The following TSPAN12 variants were observed in gnomAD, a reference collection of about 807,000 sequenced individuals.
The protein encoded by TSPAN12 is tetraspanin 12, also known as tetraspanin-12.
TSPAN12 carries 19 observed loss-of-function variants against 39.2 expected under a neutral mutation model. The observed-to-expected ratio is 0.49, with a 90% CI of 0.34 to 0.71. TSPAN12 has a LOEUF of 0.71. Among genes scored for constraint, TSPAN12 ranks in the 30% least tolerant of loss-of-function variants. The pLI is 0.01. For synonymous variants in TSPAN12, 119 were observed against 124.8 expected (o/e 0.95, Z 0.31); for missense variants, 314 against 359.9 (o/e 0.87, Z 1.03).
intron 4 of TSPAN12, among the ~76,000 whole-genome samples, chr7:120,824,537 C>A (rs916175237): frequency 6.6e-6 from 1 of 152,008 alleles, no homozygotes; most frequent in Non-Finnish European, 1.5e-5. Flanking sequence ...AATCATAGAA[C>A]CTAGAATTCT....
At chr7:120,819,997 TG>T (rs2116402196) in intron 4 of TSPAN12, among the ~76,000 whole-genome samples, 1 of 152,280 alleles carries the variant, frequency 6.6e-6, no homozygotes, top group East Asian at 1.9e-4. Context: ...TCCCTATCAA[TG>T]TCACTACACA....
rs1445495258 is a variant in TSPAN12 at position 120,838,764 on chromosome 7, T to G, written c.285+13A>C. On this transcript the variant is annotated intron_variant, in intron 4 of 7. Coordinates refer to ENST00000222747, the MANE Select transcript of TSPAN12 (RefSeq NM_012338.4). ...CTTTTTAACTATAATAAAGAGAAAA[T>G]ATAACATCATACCCATGCAAGAAGC... 1.2e-6 allele frequency: 2 copies of G among 1,612,324 alleles called. No homozygotes were observed. Among genetic ancestry groups the G allele is most frequent in the South Asian group, 2.2e-5 (2 of 90,914 alleles).
intron 5 of TSPAN12, among the ~76,000 whole-genome samples, chr7:120,815,348 G>A (rs974144476): frequency 6.6e-5 from 10 of 152,084 alleles, no homozygotes; most frequent in Non-Finnish European, 1.5e-5. Context: ...ATCTTGAGTC[G>A]TAATCCCCCT....
At chr7:120,821,607 G>T (rs3779388) in intron 4 of TSPAN12, among the ~76,000 whole-genome samples, 7,981 of 152,200 alleles carry the variant, frequency 0.052, 525 homozygotes, top group East Asian at 0.31. Flanking sequence ...CTGTGCAAAA[G>T]ATTCCATAAG....
intron 2 of TSPAN12, among the ~76,000 whole-genome samples, chr7:120,853,640 C>T (rs1379251608): frequency 6.0e-5 from 9 of 150,214 alleles, no homozygotes; most frequent in Non-Finnish European, 1.2e-4. Flanking sequence ...TTTGAGAGGC[C>T]GAGGTGGGTG....
chr7:120,842,662 T>C (rs1794600648), intron 2 of TSPAN12, among the ~76,000 whole-genome samples: 1 of 152,110 alleles, frequency 6.6e-6, no homozygotes, highest in South Asian at 2.1e-4. Flanking sequence ...AGAATTCCTT[T>C]TTAGAAAGAT....
chr7:120,791,425 T>C (rs116630385), intron 7 of TSPAN12, among the ~76,000 whole-genome samples: 233 of 152,266 alleles, frequency 1.5e-3, no homozygotes, highest in African/African-American at 5.1e-3. Context: ...GTGGTGACTA[T>C]AGTTAATAAC....
intron 4 of TSPAN12, among the ~76,000 whole-genome samples, chr7:120,832,064 A>C (rs575375548): frequency 1.3e-5 from 2 of 152,228 alleles, no homozygotes; most frequent in South Asian, 4.1e-4. Context: ...ACAAATGCTG[A>C]ATAATTTTTC....
chr7:120,836,467 G>C (rs1794477766), intron 4 of TSPAN12, among the ~76,000 whole-genome samples: 1 of 152,170 alleles, frequency 6.6e-6, no homozygotes, highest in Admixed American at 6.5e-5. Context: ...GTAAAAAAGA[G>C]TACATCCAAA....
At position 120,788,983 on chromosome 7, in the gene TSPAN12, G is replaced by A. The variant is rs78232861; in HGVS notation, c.613-86C>T. On this transcript the variant is annotated intron_variant, in intron 7 of 7. Coordinates refer to ENST00000222747, the MANE Select transcript of TSPAN12 (RefSeq NM_012338.4). ...TAATGAAAGCAAACAATCTGTATCA[G>A]TTAATGAAATCAGACTAACTGGGAT... The A allele has an allele frequency of 1.8e-3, 2,518 of 1,377,338 alleles. 31 individuals are homozygous for A. In the African/African-American group the frequency reaches 0.031, roughly 17 times the overall value. The allele number at this position is 1,377,338 out of a possible 1,614,324, so 85.3% of individuals were successfully genotyped here. A position where few individuals can be genotyped will look rare whatever the true frequency, so the allele number is the denominator to read the frequency against.
intron 4 of TSPAN12, among the ~76,000 whole-genome samples, chr7:120,823,366 A>G (rs1794225267): frequency 6.6e-6 from 1 of 152,140 alleles, no homozygotes; most frequent in Non-Finnish European, 1.5e-5. Context: ...CTTACACCAG[A>G]AGGAAGTAAT....
At chr7:120,851,380 G>T (rs1285020865) in intron 2 of TSPAN12, among the ~76,000 whole-genome samples, 1 of 152,030 alleles carries the variant, frequency 6.6e-6, no homozygotes, top group Non-Finnish European at 1.5e-5. Context: ...TATTTAATCA[G>T]GGTAGTTCTT....
intron 7 of TSPAN12, among the ~76,000 whole-genome samples, chr7:120,803,901 C>T (rs1484246170): frequency 2.6e-5 from 4 of 152,090 alleles, no homozygotes; most frequent in African/African-American, 7.2e-5. Context: ...GGATGAATTG[C>T]AGTTTTACAA....
chr7:120,849,531 T>C (rs1203720206), intron 2 of TSPAN12, among the ~76,000 whole-genome samples: 1 of 152,202 alleles, frequency 6.6e-6, no homozygotes, highest in Non-Finnish European at 1.5e-5. Context: ...ACAAATAATT[T>C]CTGTTCAAGG....
intron 2 of TSPAN12, among the ~76,000 whole-genome samples, chr7:120,849,216 T>C (rs1270029539): frequency 6.6e-6 from 1 of 152,208 alleles, no homozygotes; most frequent in African/African-American, 2.4e-5. Context: ...GGCAGGACAT[T>C]TGTCACAATG....
At chr7:120,839,248 T>C (rs1439780814) in intron 3 of TSPAN12, among the ~76,000 whole-genome samples, 2 of 152,170 alleles carry the variant, frequency 1.3e-5, no homozygotes, top group Non-Finnish European at 2.9e-5. Flanking sequence ...ATGGGAGCCT[T>C]TGCTATTTCC....
At chr7:120,842,682 G>A (rs922096149) in intron 2 of TSPAN12, among the ~76,000 whole-genome samples, 1 of 152,080 alleles carries the variant, frequency 6.6e-6, no homozygotes, top group African/African-American at 2.4e-5. Flanking sequence ...TGGGCAGTGG[G>A]TCTCCTGCAG....
chr7:120,814,801 T>A (rs79132643), intron 5 of TSPAN12, among the ~76,000 whole-genome samples: 5,683 of 152,176 alleles, frequency 0.037, 162 homozygotes, highest in African/African-American at 0.076. Flanking sequence ...GATAAAAAAA[T>A]GATGAATAGC....
intron 4 of TSPAN12, among the ~76,000 whole-genome samples, chr7:120,824,276 C>CAAA (rs56316348): frequency 0.013 from 1,575 of 124,616 alleles, 18 homozygotes; most frequent in African/African-American, 0.034. Flanking sequence ...ACTAAAAATG[C>CAAA]AAAAAAAAAA....
Sources: gnomAD v4.1 joint callset for allele counts (sites outside exome capture counted in the v4.1 genomes callset) on GRCh38, gnomAD v4.1.1 for gene constraint, MANE v1.5 for transcripts, NCBI Gene and HGNC (gene_info 2026-07-23, HGNC 2026-07-21) for gene names.